EHBP1: variants seen among roughly 807,000 people sequenced by gnomAD.
EHBP1 encodes EH domain binding protein 1.
Under a neutral mutation model 144.0 loss-of-function variants are expected in EHBP1, and 55 were observed. The observed-to-expected ratio is 0.38, with a 90% confidence interval of 0.31 to 0.48. EHBP1 has a LOEUF of 0.48. EHBP1 is among the 20% of genes least tolerant of loss of function. EHBP1 has a pLI of 0.98. For missense variants in EHBP1, 1,200 were observed against 1,364.2 expected, an observed-to-expected ratio of 0.88 and a Z score of 1.90; for synonymous variants, 469 against 472.7, an observed-to-expected ratio of 0.99 and a Z score of 0.10.
intron 1 of EHBP1, among the ~76,000 whole-genome samples, chr2:62,681,201 T>C (rs1348134701): frequency 6.6e-6 from 1 of 150,570 alleles, no homozygotes; most frequent in Non-Finnish European, 1.5e-5. Flanking sequence ...TAATCCCAGC[T>C]ACTCGGAGGC....
intron 15 of EHBP1, among the ~76,000 whole-genome samples, chr2:62,983,139 C>T (rs931616151): frequency 2.0e-5 from 3 of 152,104 alleles, no homozygotes; most frequent in South Asian, 2.1e-4. Context: ...TGTAGACATG[C>T]GATGGCCTCA....
intron 6 of EHBP1, among the ~76,000 whole-genome samples, chr2:62,826,853 A>C (rs562020179): frequency 6.6e-6 from 1 of 152,340 alleles, no homozygotes; most frequent in African/African-American, 2.4e-5. Flanking sequence ...CTAACTTGAC[A>C]AAATGAGGTG....
intron 5 of EHBP1, among the ~76,000 whole-genome samples, chr2:62,785,097 T>TG (rs1363307741): frequency 6.6e-6 from 1 of 152,066 alleles, no homozygotes; most frequent in Non-Finnish European, 1.5e-5. Flanking sequence ...TATATGTACC[T>TG]GTGAACAACT....
intron 5 of EHBP1, among the ~76,000 whole-genome samples, chr2:62,779,504 A>T (rs368561814): frequency 1.3e-5 from 2 of 152,208 alleles, no homozygotes; most frequent in South Asian, 2.1e-4. Context: ...AAGAAAATTC[A>T]TGTGCTTATG....
In EHBP1 at chr2:62,778,089, C is replaced by G. The variant is rs2042168169; in HGVS notation, c.312+6697C>G. On this transcript the variant is annotated intron_variant, in intron 5 of 22. Transcript: ENST00000431489. ...GTGTTTTCTTGGTGCTACCTATTCA[C>G]TATGCAGTCTTTCCCACTATTTCTG... Among the ~76,000 whole-genome samples the G allele has an allele frequency of 2.0e-5, 3 of 152,200 alleles. No homozygotes were observed. In the South Asian group the frequency reaches 6.2e-4, roughly 32 times the overall value.
intron 1 of EHBP1, among the ~76,000 whole-genome samples, chr2:62,690,755 A>G (rs1430677777): frequency 6.6e-6 from 1 of 152,160 alleles, no homozygotes; most frequent in African/African-American, 2.4e-5. Context: ...GGATTTAGTC[A>G]AGGTCAGGAA....
At chr2:62,976,389 T>A (rs904892387) in intron 14 of EHBP1, among the ~76,000 whole-genome samples, 4 of 152,200 alleles carry the variant, frequency 2.6e-5, no homozygotes, top group Non-Finnish European at 4.4e-5. Context: ...CCTAATGATA[T>A]GTCACCAAGT....
chr2:62,933,575 A>C (rs553429382), intron 10 of EHBP1, among the ~76,000 whole-genome samples: 1 of 152,166 alleles, frequency 6.6e-6, no homozygotes, highest in South Asian at 2.1e-4. Flanking sequence ...TCCCGTACTC[A>C]TGTAGATCTT....
chr2:63,036,190 A>C (rs1400809298), intron 19 of EHBP1, among the ~76,000 whole-genome samples: 1 of 152,060 alleles, frequency 6.6e-6, no homozygotes, highest in African/African-American at 2.4e-5. Flanking sequence ...GAAATACTTA[A>C]ATAAATTATG....
intron 5 of EHBP1, among the ~76,000 whole-genome samples, chr2:62,776,471 A>G (rs1387851678): frequency 6.6e-6 from 1 of 152,216 alleles, no homozygotes; most frequent in African/African-American, 2.4e-5. Flanking sequence ...TTTCTAGAGG[A>G]CACAGAAGAA....
intron 1 of EHBP1, among the ~76,000 whole-genome samples, chr2:62,700,203 A>G (rs1470144832): frequency 6.6e-6 from 1 of 152,174 alleles, no homozygotes; most frequent in African/African-American, 2.4e-5. Context: ...GAGAATAAAC[A>G]TAGGTTTTAA....
chr2:62,856,081 C>T (rs1354255123), intron 7 of EHBP1, among the ~76,000 whole-genome samples: 1 of 152,194 alleles, frequency 6.6e-6, no homozygotes, highest in Non-Finnish European at 1.5e-5. Context: ...CTCAGTAAAG[C>T]TCCTCTTTAT....
At chr2:62,960,853 G>A (rs903619431) in intron 14 of EHBP1, among the ~76,000 whole-genome samples, 3 of 152,076 alleles carry the variant, frequency 2.0e-5, no homozygotes, top group Non-Finnish European at 4.4e-5. Context: ...TTGCCACTTG[G>A]GTACTTAAGC....
intron 15 of EHBP1, among the ~76,000 whole-genome samples, chr2:62,983,624 T>G (rs1017707256): frequency 1.3e-5 from 2 of 152,180 alleles, no homozygotes; most frequent in African/African-American, 4.8e-5. Context: ...CACTGCAACC[T>G]CCGTCTCCCG....
intron 10 of EHBP1, among the ~76,000 whole-genome samples, chr2:62,906,987 T>C (rs1480779470): frequency 6.6e-6 from 1 of 152,224 alleles, no homozygotes; most frequent in African/African-American, 2.4e-5. Flanking sequence ...CATTCCTTCT[T>C]ATTACTAAGT....
chr2:62,827,992 A>T (rs1258813217), intron 6 of EHBP1, among the ~76,000 whole-genome samples: 11 of 152,184 alleles, frequency 7.2e-5, no homozygotes, highest in African/African-American at 2.7e-4. Flanking sequence ...TTTAAGAATG[A>T]CATTTTGAAA....
intron 2 of EHBP1, among the ~76,000 whole-genome samples, chr2:62,723,524 G>A (rs912192107): frequency 3.3e-5 from 5 of 152,040 alleles, no homozygotes; most frequent in Non-Finnish European, 5.9e-5. Context: ...TCCTGTCATC[G>A]TGATGTTAGC....
At chr2:62,984,930 C>T (rs189564691) in intron 15 of EHBP1, among the ~76,000 whole-genome samples, 7 of 152,258 alleles carry the variant, frequency 4.6e-5, no homozygotes, top group African/African-American at 1.7e-4. Flanking sequence ...TGAAAGAACC[C>T]ATATACAACC....
At chr2:62,891,781 T>C (rs923985611) in intron 10 of EHBP1, among the ~76,000 whole-genome samples, 1 of 152,178 alleles carries the variant, frequency 6.6e-6, no homozygotes, top group African/African-American at 2.4e-5. Context: ...GTTTTAAGTT[T>C]ATGGCTTAGG....
Sources: gnomAD v4.1 joint callset for allele counts (sites outside exome capture counted in the v4.1 genomes callset) on GRCh38, gnomAD v4.1.1 for gene constraint, MANE v1.5 for transcripts, NCBI Gene and HGNC (gene_info 2026-07-23, HGNC 2026-07-21) for gene names.